COL23A1: variants seen among roughly 807,000 people sequenced by gnomAD.
COL23A1 encodes the protein collagen type XXIII alpha 1 chain.
Under a neutral mutation model 99.3 loss-of-function variants are expected in COL23A1, and 97 were observed. The observed-to-expected ratio is 0.98, with a 90% confidence interval of 0.83 to 1.16. The LOEUF (loss-of-function observed/expected upper bound fraction) is 1.16. Ranked by LOEUF, COL23A1 falls within the 50% of genes most tolerant of loss-of-function variation. The pLI is 0.00. For missense variants in COL23A1, 762 were observed against 757.4 expected, an observed-to-expected ratio of 1.01 and a Z score of -0.07; for synonymous variants, 320 against 308.2, an observed-to-expected ratio of 1.04 and a Z score of -0.40.
rs1199445725 is a variant in COL23A1 at position 178,453,108 on chromosome 5, G to C, written c.361+107574C>G. On this transcript the variant is annotated intron_variant, in intron 2 of 28. Coordinates refer to ENST00000390654, the MANE Select transcript of COL23A1 (RefSeq NM_173465.4). Reference sequence around the variant, plus strand: ...AATGAAGAAGCTCTTTAGAGACACAGGGAAAGGATCTCCATGACATGCTGT... The same window carrying C: ...AATGAAGAAGCTCTTTAGAGACACACGGAAAGGATCTCCATGACATGCTGT... 3.3e-5 allele frequency among the ~76,000 whole-genome samples: 5 copies of C among 152,076 alleles called. No individual in the cohort carries two copies. In the East Asian group the frequency reaches 9.6e-4, roughly 29 times the overall value.
intron 2 of COL23A1, among the ~76,000 whole-genome samples, chr5:178,321,480 CTTTTTTTTTTTTTTT>C (rs570803192): frequency 4.1e-4 from 45 of 109,026 alleles, no homozygotes; most frequent in African/African-American, 1.7e-3. Flanking sequence ...GTCACCTTCC[CTTTTTTTTTTTTTTT>C]TTTTTTTTTT....
intron 18 of COL23A1, among the ~76,000 whole-genome samples, chr5:178,249,716 A>ACACTCACTCTCTCTCTCT: frequency 1.4e-3 from 132 of 92,812 alleles, no homozygotes; most frequent in East Asian, 8.8e-3. Flanking sequence ...ACACACACAC[A>ACACTCACTCTCTCTCTCT]CTCTCTCTCT....
intron 2 of COL23A1, among the ~76,000 whole-genome samples, chr5:178,343,232 G>T (rs769821151): frequency 2.0e-5 from 3 of 152,190 alleles, no homozygotes; most frequent in Non-Finnish European, 4.4e-5. Context: ...CCGAAGCGAA[G>T]ACTGTTTCCC....
At chr5:178,507,468 G>C (rs1176899776) in intron 2 of COL23A1, among the ~76,000 whole-genome samples, 2 of 152,190 alleles carry the variant, frequency 1.3e-5, no homozygotes, top group Admixed American at 1.3e-4. Flanking sequence ...CAAAGCCTCA[G>C]GTCCCTGCTC....
intron 8 of COL23A1, chr5:178,265,634 A>AC: frequency 1.0e-6 from 1 of 981,158 alleles, no homozygotes; most frequent in Non-Finnish European, 1.2e-6. Context: ...TCAGGTCCAG[A>AC]CCCCCACTCA....
intron 2 of COL23A1, among the ~76,000 whole-genome samples, chr5:178,419,725 T>C (rs530152305): frequency 6.6e-6 from 1 of 152,220 alleles, no homozygotes; most frequent in Non-Finnish European, 1.5e-5. Context: ...AACCATAACC[T>C]AGCTTAATAG....
At chr5:178,391,616 C>CA (rs1485438231) in intron 2 of COL23A1, among the ~76,000 whole-genome samples, 1 of 152,170 alleles carries the variant, frequency 6.6e-6, no homozygotes, top group African/African-American at 2.4e-5. Context: ...CTGGAACCCT[C>CA]ATCCATAGCT....
chr5:178,560,038 C>T (rs1762479560), intron 2 of COL23A1, among the ~76,000 whole-genome samples: 1 of 152,232 alleles, frequency 6.6e-6, no homozygotes, highest in Admixed American at 6.5e-5. Flanking sequence ...AGACCACACA[C>T]TGGGCCATGG....
At chr5:178,358,389 GTA>G (rs1228691118) in intron 2 of COL23A1, among the ~76,000 whole-genome samples, 59 of 138,286 alleles carry the variant, frequency 4.3e-4, no homozygotes, top group Middle Eastern at 4.3e-3. Flanking sequence ...TCTAATGTGT[GTA>G]TGTGTATGTG....
intron 2 of COL23A1, among the ~76,000 whole-genome samples, chr5:178,478,096 G>T (rs1289927880): frequency 6.6e-6 from 1 of 152,184 alleles, no homozygotes; most frequent in Non-Finnish European, 1.5e-5. Flanking sequence ...CGGTCCTGCA[G>T]GGCCTCAATC....
chr5:178,524,189 T>C (rs1760179145), intron 2 of COL23A1, among the ~76,000 whole-genome samples: 1 of 152,142 alleles, frequency 6.6e-6, no homozygotes, highest in African/African-American at 2.4e-5. Flanking sequence ...GGCACTCCAA[T>C]AACATCACCA....
At chr5:178,479,061 A>C (rs1025689929) in intron 2 of COL23A1, among the ~76,000 whole-genome samples, 1 of 152,036 alleles carries the variant, frequency 6.6e-6, no homozygotes, top group African/African-American at 2.4e-5. Flanking sequence ...CAGCCATCTC[A>C]GTGGCCCAGG....
intron 2 of COL23A1, among the ~76,000 whole-genome samples, chr5:178,523,224 AGACAGAGG>A (rs1208303961): frequency 9.5e-5 from 11 of 115,682 alleles, no homozygotes; most frequent in African/African-American, 3.3e-4. Flanking sequence ...AGAGAGAGAG[AGACAGAGG>A]GAGAGACAGA....
rs973505116 is a variant in COL23A1, at chr5:178,544,082, T to C, written c.361+16600A>G. Reference sequence around the variant, plus strand: ...CCTTGGAGATTAGGATTTCAACATATGACTTTGGGACACAAGATTCAGTCC... The same window carrying C: ...CCTTGGAGATTAGGATTTCAACATACGACTTTGGGACACAAGATTCAGTCC... On this transcript the variant is annotated intron_variant, in intron 2 of 28. Coordinates refer to ENST00000390654, the MANE Select transcript of COL23A1 (RefSeq NM_173465.4). The surrounding 1 kb of genome is among the most constrained non-coding windows in gnomAD (Gnocchi z 4.4). Among the ~76,000 whole-genome samples the C allele has an allele frequency of 5.3e-5, 8 of 152,086 alleles. No individual in the cohort carries two copies. The highest frequency in any genetic ancestry group is 1.9e-4 in the African/African-American group (8 of 41,410).
At chr5:178,482,388 T>C (rs1290703216) in intron 2 of COL23A1, among the ~76,000 whole-genome samples, 1 of 152,084 alleles carries the variant, frequency 6.6e-6, no homozygotes, top group Non-Finnish European at 1.5e-5. Context: ...TGATTCCTTT[T>C]ATATGCAGTA....
intron 8 of COL23A1, among the ~76,000 whole-genome samples, chr5:178,265,023 G>A (rs13175983): frequency 6.6e-6 from 1 of 152,098 alleles, no homozygotes; most frequent in Non-Finnish European, 1.5e-5. Context: ...GGAATGGCTG[G>A]GGTGGGGGAT....
In COL23A1 at chr5:178,307,999, G is replaced by A. The variant is rs1275695302; in HGVS notation, c.362-1080C>T. On this transcript the variant is annotated intron_variant, in intron 2 of 28. Coordinates refer to ENST00000390654, the MANE Select transcript of COL23A1 (RefSeq NM_173465.4). The surrounding 1 kb of genome is among the most constrained non-coding windows in gnomAD (Gnocchi z 4.2). ...CGTCTGTGGCAGGATGGAAAAATGA[G>A]TGTGGGTGTCTGTGTGTGTCTGTTT... Among the ~76,000 whole-genome samples the A allele has an allele frequency of 2.0e-5, 3 of 152,188 alleles. No homozygotes were observed. The highest frequency in any genetic ancestry group is 3.8e-4 in the East Asian group (2 of 5,196).
chr5:178,333,953 G>A (rs1011745342), intron 2 of COL23A1, among the ~76,000 whole-genome samples: 1 of 152,126 alleles, frequency 6.6e-6, no homozygotes, highest in Non-Finnish European at 1.5e-5. Context: ...GTGAGCCCCT[G>A]GTCAGTCCCC....
Position 178,387,610 on chromosome 5 carries a change from G to C in COL23A1, c.362-80691C>G, listed in dbSNP as rs1021658786. Among the ~76,000 whole-genome samples the C allele has an allele frequency of 3.9e-5, 6 of 152,056 alleles. No individual in the cohort carries two copies. Among genetic ancestry groups the C allele is most frequent in the Non-Finnish European group, 5.9e-5 (4 of 68,020 alleles). On this transcript the variant is annotated intron_variant, in intron 2 of 28. Coordinates refer to ENST00000390654, the MANE Select transcript of COL23A1 (RefSeq NM_173465.4). The surrounding 1 kb of genome is among the most constrained non-coding windows in gnomAD (Gnocchi z 4.7). ...GGGTTTGCCTGAGCCTCCCCTCCTG[G>C]ACCAATAACTTCTAGAGGCTCATGA...
Sources: allele counts gnomAD v4.1 joint callset (sites outside exome capture counted in the v4.1 genomes callset), GRCh38; gene constraint gnomAD v4.1.1; non-coding constraint Gnocchi (gnomAD v3.1); transcripts MANE v1.5; gene names NCBI Gene and HGNC (gene_info 2026-07-23, HGNC 2026-07-21).